The following C4orf51 variants were observed in gnomAD, a reference collection of about 807,000 sequenced individuals.
C4orf51 encodes uncharacterized protein C4orf51.
Under a neutral mutation model 25.2 loss-of-function variants are expected in C4orf51, and 25 were observed. The ratio of observed to expected loss-of-function variants is 0.99; its 90% CI spans 0.72 to 1.39. C4orf51 has a LOEUF of 1.39. Among genes scored for constraint, C4orf51 ranks in the 40% most tolerant of loss-of-function variants. C4orf51 has a pLI of 0.00. For synonymous variants in C4orf51, 100 were observed against 84.5 expected (o/e 1.18, Z -1.01); for missense variants, 252 against 239.6 (o/e 1.05, Z -0.34).
At chr4:145,740,662 TC>T (rs1013569054) in intron 1 of C4orf51, among the ~76,000 whole-genome samples, 7 of 152,160 alleles carry the variant, frequency 4.6e-5, no homozygotes, top group African/African-American at 1.7e-4. Flanking sequence ...TGCAAAGTAC[TC>T]CCCTCAAAAC....
At chr4:145,775,634 G>T (rs750811005), downstream of C4orf51, among the ~76,000 whole-genome samples, 1 of 152,108 alleles carries the variant, frequency 6.6e-6, no homozygotes, top group Non-Finnish European at 1.5e-5. Flanking sequence ...CTGTGCAACT[G>T]CAGGGCTCAA....
intron 1 of C4orf51, among the ~76,000 whole-genome samples, chr4:145,686,717 G>A (rs1442684314): frequency 6.6e-6 from 1 of 152,170 alleles, no homozygotes; most frequent in African/African-American, 2.4e-5. Flanking sequence ...GATAGTCCTT[G>A]AGAGCAATGC....
At chr4:145,776,869 T>C in the C4orf51 span, among the ~76,000 whole-genome samples, 1 of 152,256 alleles carries the variant, frequency 6.6e-6, no homozygotes, top group Non-Finnish European at 1.5e-5. Context: ...AACCCTCTCA[T>C]AAAACTGACA....
At chr4:145,740,115 G>T (rs1436775174) in intron 1 of C4orf51, among the ~76,000 whole-genome samples, 2 of 152,046 alleles carry the variant, frequency 1.3e-5, no homozygotes, top group Admixed American at 6.6e-5. Flanking sequence ...ATTTCTTAGA[G>T]TTGCCATCAG....
At chr4:145,775,701 C>T (rs141212257), downstream of C4orf51, 830 of 1,503,608 alleles carry the variant, frequency 5.5e-4, 1 homozygote, top group African/African-American at 6.7e-3. Flanking sequence ...AAAGGGGCCT[C>T]GTGATGTATG....
downstream of C4orf51, among the ~76,000 whole-genome samples, chr4:145,754,853 T>A (rs1021845951): frequency 1.3e-5 from 2 of 152,144 alleles, no homozygotes; most frequent in Admixed American, 1.3e-4. Context: ...GGAGAATTGC[T>A]TGAACCTGGG....
intron 2 of C4orf51, among the ~76,000 whole-genome samples, chr4:145,705,632 G>A (rs1269727371): frequency 1.3e-5 from 2 of 152,104 alleles, no homozygotes; most frequent in African/African-American, 4.8e-5. Flanking sequence ...GGTGAAAGCC[G>A]TATCCAACCA....
chr4:145,691,607 C>T (rs1464401818), intron 1 of C4orf51, among the ~76,000 whole-genome samples: 4 of 152,208 alleles, frequency 2.6e-5, no homozygotes, highest in African/African-American at 7.2e-5. Context: ...GAATACTACA[C>T]AGCCACGAAA....
At chr4:145,778,900 C>T in the C4orf51 span, among the ~76,000 whole-genome samples, 2 of 151,898 alleles carry the variant, frequency 1.3e-5, no homozygotes, top group Non-Finnish European at 2.9e-5. Context: ...CTATTTATTC[C>T]TCCTTGTTAA....
chr4:145,776,305 T>A, the C4orf51 span, among the ~76,000 whole-genome samples: 4 of 151,842 alleles, frequency 2.6e-5, no homozygotes, highest in Non-Finnish European at 4.4e-5. Flanking sequence ...AAAAAATTTT[T>A]AAAAAATTAG....
At chr4:145,790,652 C>G in the C4orf51 span, among the ~76,000 whole-genome samples, 9 of 152,118 alleles carry the variant, frequency 5.9e-5, no homozygotes, top group African/African-American at 2.2e-4. Flanking sequence ...TTATTCTAGT[C>G]TTCTTTTCTT....
downstream of C4orf51, among the ~76,000 whole-genome samples, chr4:145,771,375 G>A (rs141039017): frequency 1.8e-3 from 271 of 152,276 alleles, no homozygotes; most frequent in African/African-American, 6.3e-3. Context: ...CTTTTCTAGG[G>A]CTGATTTGTT....
At chr4:145,783,965 C>G in the C4orf51 span, among the ~76,000 whole-genome samples, 3 of 152,116 alleles carry the variant, frequency 2.0e-5, no homozygotes, top group Admixed American at 1.3e-4. Flanking sequence ...CATGGTCTCT[C>G]TGGTGCTGTT....
downstream of C4orf51, among the ~76,000 whole-genome samples, chr4:145,772,396 A>G (rs1273880563): frequency 6.6e-6 from 1 of 152,224 alleles, no homozygotes; most frequent in Non-Finnish European, 1.5e-5. Flanking sequence ...AGATTGATCT[A>G]TTTTGGGTCA....
intron 1 of C4orf51, among the ~76,000 whole-genome samples, chr4:145,742,886 G>A (rs796491478): frequency 6.6e-5 from 10 of 152,290 alleles, no homozygotes; most frequent in African/African-American, 2.4e-4. Context: ...CACCTGGTGA[G>A]GATGCTAAGA....
chr4:145,719,326 C>G (rs1436246618), intron 2 of C4orf51, among the ~76,000 whole-genome samples: 1 of 152,134 alleles, frequency 6.6e-6, no homozygotes, highest in East Asian at 1.9e-4. Context: ...AACCTTTGGG[C>G]CAGGCATGGT....
At chr4:145,693,590 C>T (rs1729760435) in intron 1 of C4orf51, among the ~76,000 whole-genome samples, 3 of 148,642 alleles carry the variant, frequency 2.0e-5, no homozygotes, top group African/African-American at 7.4e-5. Context: ...AGGGGCTCCT[C>T]ACTTCCCAGT....
chr4:145,754,558 A>T (rs932733839), downstream of C4orf51, among the ~76,000 whole-genome samples: 1 of 152,236 alleles, frequency 6.6e-6, no homozygotes, highest in Non-Finnish European at 1.5e-5. Flanking sequence ...AAACCAGATC[A>T]AACAGTTCAG....
At chr4:145,727,851 C>T (rs1578998618) in intron 3 of C4orf51, among the ~76,000 whole-genome samples, 1 of 142,272 alleles carries the variant, frequency 7.0e-6, no homozygotes, top group African/African-American at 2.6e-5. Context: ...CACTGCACCG[C>T]AGCCTGGGCA....
Sources: gnomAD v4.1 joint callset for allele counts (sites outside exome capture counted in the v4.1 genomes callset) on GRCh38, gnomAD v4.1.1 for gene constraint, MANE v1.5 for transcripts, NCBI Gene and HGNC (gene_info 2026-07-23, HGNC 2026-07-21) for gene names.